IL1RL1: variants seen among roughly 807,000 people sequenced by gnomAD.
The protein encoded by IL1RL1 is interleukin-1 receptor-like 1.
A neutral mutation model predicts 50.9 loss-of-function variants in IL1RL1; 32 were observed. The ratio of observed to expected loss-of-function variants is 0.63; its 90% CI spans 0.47 to 0.84. The LOEUF (loss-of-function observed/expected upper bound fraction) is 0.84, where lower values mean the gene tolerates loss of function less well. Among genes scored for constraint, IL1RL1 ranks in the 40% least tolerant of loss-of-function variants. IL1RL1 has a pLI of 0.00. For missense variants in IL1RL1, 773 were observed against 662.9 expected (o/e 1.17, Z -1.82); for synonymous variants, 275 against 236.0 (o/e 1.17, Z -1.51).
chr2:102,343,471 A>C, intron 8 of IL1RL1, 56 bp downstream of exon 8: 12 of 1,613,890 alleles, frequency 7.4e-6, no homozygotes, highest in Non-Finnish European at 1.0e-5. Context: ...AAGTGTAAGC[A>C]GAATGGAGTG....
rs759461223 is a variant in IL1RL1, at chr2:102,349,118, A to G, written c.1157A>G (p.Asn386Ser). 1 of 1,613,774 alleles carries G rather than the reference A, an allele frequency of 6.2e-7. No individual in the cohort carries two copies. Among genetic ancestry groups the G allele is most frequent in the South Asian group, 1.1e-5 (1 of 91,066 alleles). Residue 386 changes from asparagine to serine, a missense_variant, in exon 10 of 11, where the codon AAC (asparagine) becomes AGC (serine). Transcript: ENST00000233954. ...LYDAYVVYPR[N>S]YKSSTDGASR... ...GATGCTTATGTTGTCTACCCACGGA[A>G]CTACAAATCCAGTACAGATGGGGCC...
Position 102,341,383 on chromosome 2 carries a change from G to A in IL1RL1, c.610+555G>A, listed in dbSNP as rs1344288518. 4.5e-6 allele frequency: 5 copies of A among 1,100,892 alleles called. No homozygotes were observed. The South Asian group carries it at 7.8e-5, about 17-fold the overall frequency. The allele number at this position is 1,100,892 out of a possible 1,614,324, so 68.2% of individuals were successfully genotyped here. Reference sequence around the variant, plus strand: ...GTAAGTCACTTCATTCTAAAAATGTGTTTTCCAAGTTATTTTAAATTTTAT... The same window carrying A: ...GTAAGTCACTTCATTCTAAAAATGTATTTTCCAAGTTATTTTAAATTTTAT... On this transcript the variant is annotated intron_variant, in intron 5 of 10. Coordinates refer to ENST00000233954, the MANE Select transcript of IL1RL1 (RefSeq NM_016232.5).
rs573188246 is a variant in IL1RL1 at position 102,335,452 on chromosome 2, T to C, written c.-149-2664T>C. ...CAACCCCAGCCACAACTGGGTGAAC[T>C]TTGTCAAATTACTTAAACAGTCTTA... On this transcript the variant is annotated intron_variant, in intron 1 of 10. Coordinates refer to ENST00000233954, the MANE Select transcript of IL1RL1 (RefSeq NM_016232.5). 1.6e-3 allele frequency among the ~76,000 whole-genome samples: 238 copies of C among 152,336 alleles called. 1 individual carries two copies. The highest frequency in any genetic ancestry group is 2.8e-3 in the Non-Finnish European group (192 of 68,024).
chr2:102,315,793 C>A (rs1272979462), intron 1 of IL1RL1, among the ~76,000 whole-genome samples: 2 of 152,140 alleles, frequency 1.3e-5, no homozygotes, highest in Non-Finnish European at 2.9e-5. Flanking sequence ...AGCCCCTATG[C>A]AAAGTGAATA....
intron 1 of IL1RL1, among the ~76,000 whole-genome samples, chr2:102,314,306 A>G (rs753864136): frequency 1.2e-4 from 18 of 152,172 alleles, no homozygotes; most frequent in Non-Finnish European, 2.6e-4. Context: ...CTTCCAACCA[A>G]TGCTTGTGAG....
intron 1 of IL1RL1, among the ~76,000 whole-genome samples, chr2:102,324,749 C>T (rs954386796): frequency 3.9e-5 from 6 of 152,178 alleles, no homozygotes; most frequent in Non-Finnish European, 7.4e-5. Flanking sequence ...GAGCCTCGCT[C>T]GTTGCTAGCA....
chr2:102,323,874 C>T (rs1391435846), intron 1 of IL1RL1, among the ~76,000 whole-genome samples: 1 of 152,158 alleles, frequency 6.6e-6, no homozygotes. Context: ...TAAGTAATTG[C>T]TACCCTTCAT....
In IL1RL1 at chr2:102,342,310, A is replaced by G; in HGVS notation, c.682+16A>G. ...GTGGAAATTGGTAAGAAAATTTATC[A>G]GAATGCTGTAAATATTGCCTGGAAA... On this transcript the variant is annotated intron_variant, in intron 6 of 10. Coordinates refer to ENST00000233954, the MANE Select transcript of IL1RL1 (RefSeq NM_016232.5). The G allele has an allele frequency of 6.4e-7, 1 of 1,557,794 alleles. No homozygotes were observed.
At chr2:102,340,608 C>T in intron 4 of IL1RL1, 58 bp from the exon 5 acceptor site, 1 of 1,530,636 alleles carries the variant, frequency 6.5e-7, no homozygotes, top group Non-Finnish European at 8.9e-7. Context: ...ATTCTGTCAA[C>T]AGATAAATAA....
chr2:102,311,958 TA>T (rs1235793410), intron 1 of IL1RL1, among the ~76,000 whole-genome samples: 1 of 30,580 alleles, frequency 3.3e-5, no homozygotes, highest in Non-Finnish European at 5.4e-5. Flanking sequence ...ATATAATATA[TA>T]TTATATATAA....
At chr2:102,347,024 T>C (rs1259807872) in intron 8 of IL1RL1, among the ~76,000 whole-genome samples, 1 of 152,202 alleles carries the variant, frequency 6.6e-6, no homozygotes, top group East Asian at 1.9e-4. Flanking sequence ...ATGAGAGAAG[T>C]ATGGGCTATG....
chr2:102,334,387 A>T (rs1677252797), intron 1 of IL1RL1, among the ~76,000 whole-genome samples: 1 of 152,090 alleles, frequency 6.6e-6, no homozygotes, highest in Non-Finnish European at 1.5e-5. Context: ...GGCAAGAAGG[A>T]TCCCAGAGAC....
At position 102,351,529 on chromosome 2, in the gene IL1RL1, T is replaced by G. The variant is rs1464954170; in HGVS notation, c.1286-7T>G. 1 of 1,607,820 alleles carries G rather than the reference T, an allele frequency of 6.2e-7. No individual in the cohort carries two copies. The highest frequency in any genetic ancestry group is 8.5e-7 in the Non-Finnish European group (1 of 1,176,062). On this transcript the variant is annotated splice_polypyrimidine_tract_variant and splice_region_variant and intron_variant, in intron 10 of 10. Coordinates refer to ENST00000233954, the MANE Select transcript of IL1RL1 (RefSeq NM_016232.5). ...TAAGAAATCTGATCTATTTCTTGTA[T>G]GACTAGATGTAGTCACTGCAGTGGA...
chr2:102,321,210 CT>C (rs1676829220), intron 1 of IL1RL1, among the ~76,000 whole-genome samples: 1 of 152,218 alleles, frequency 6.6e-6, no homozygotes, highest in South Asian at 2.1e-4. Context: ...TATTTTTCTC[CT>C]TAAGTGGATC....
intron 10 of IL1RL1, 61 bp from the exon 11 acceptor site, chr2:102,351,475 G>A (rs1677928227): frequency 2.8e-6 from 4 of 1,409,558 alleles, no homozygotes; most frequent in South Asian, 2.6e-5. Flanking sequence ...TAAATGTTCA[G>A]GATGTTTATG....
downstream of IL1RL1, chr2:102,352,101 A>T: frequency 5.1e-6 from 3 of 583,712 alleles, no homozygotes; most frequent in Non-Finnish European, 5.7e-6. Context: ...ATGGCCAGAA[A>T]TTTTTCTCCT....
At chr2:102,339,114 G>C (rs139724401) in intron 3 of IL1RL1, 67 bp downstream of exon 3, 1 of 1,105,628 alleles carries the variant, frequency 9.0e-7, no homozygotes, top group African/African-American at 1.6e-5. Context: ...GATTGCCTGA[G>C]CTGCCCTTGC....
chr2:102,315,360 CA>C, intron 1 of IL1RL1, among the ~76,000 whole-genome samples: 1 of 152,290 alleles, frequency 6.6e-6, no homozygotes, highest in Non-Finnish European at 1.5e-5. Flanking sequence ...CAGAAAATAT[CA>C]TGTACCTTTT....
Position 102,311,905 on chromosome 2 carries a change from GTTATATA to G in IL1RL1, c.-150+285_-150+291del, listed in dbSNP as rs1559591954. Among the ~76,000 whole-genome samples the G allele has an allele frequency of 3.7e-4, 7 of 19,048 alleles. 1 individual carries two copies. In the South Asian group the frequency reaches 3.8e-3, roughly 10 times the overall value. The allele number at this position is 19,048 out of a possible 152,430, so 12.5% of individuals were successfully genotyped here. A position where few individuals can be genotyped will look rare whatever the true frequency, so the allele number is the denominator to read the frequency against. On this transcript the variant is annotated intron_variant, in intron 1 of 10. Transcript: ENST00000233954. Reference sequence around the variant, plus strand: ...ATATAATATATAATATATCATATATGTTATATATTTTATTATATAATATATATTATAT... The same window carrying G: ...ATATAATATATAATATATCATATATGTTTTATTATATAATATATATTATAT...
Sources: gnomAD v4.1 joint callset for allele counts (sites outside exome capture counted in the v4.1 genomes callset) on GRCh38, gnomAD v4.1.1 for gene constraint, MANE v1.5 for transcripts, NCBI Gene and HGNC (gene_info 2026-07-23, HGNC 2026-07-21) for gene names.